Variants in ATOH8 observed in about 807,000 individuals in gnomAD.
The protein encoded by ATOH8 is transcription factor ATOH8.
A neutral mutation model predicts 21.2 loss-of-function variants in ATOH8; 9 were observed. That is an observed-to-expected ratio of 0.42 (90% CI 0.26 to 0.74). The LOEUF is 0.74. Ranked by LOEUF, ATOH8 falls within the 30% of genes least tolerant of loss-of-function variation. The pLI is 0.24. For synonymous variants in ATOH8, 253 were observed against 224.0 expected (o/e 1.13, Z -1.16); for missense variants, 524 against 470.9 (o/e 1.11, Z -1.04).
chr2:85,767,562 T>TTCCCCTCCCCCCCCC (rs1680050712), intron 2 of ATOH8, among the ~76,000 whole-genome samples: 1 of 20,576 alleles, frequency 4.9e-5, no homozygotes, highest in Non-Finnish European at 1.0e-4. Context: ...GTATTCCCTC[T>TTCCCCTCCCCCCCCC]TCCCCTCCCC....
chr2:85,786,329 A>T (rs538453799), intron 2 of ATOH8, among the ~76,000 whole-genome samples: 3 of 152,326 alleles, frequency 2.0e-5, no homozygotes, highest in African/African-American at 7.2e-5. Flanking sequence ...AGGAGCTTTC[A>T]TCGATCTGCT....
At chr2:85,781,003 C>T (rs762072321) in intron 2 of ATOH8, 3 of 987,886 alleles carry the variant, frequency 3.0e-6, no homozygotes, top group African/African-American at 1.7e-5. Flanking sequence ...CCAGGCTTTG[C>T]GCCTGTGCCC....
rs1348833533 is a variant in ATOH8 at position 85,754,064 on chromosome 2, C to A, written c.-126C>A. On this transcript the variant is annotated 5_prime_UTR_variant, in exon 1 of 3. Coordinates refer to ENST00000306279, the MANE Select transcript of ATOH8 (RefSeq NM_032827.7). The stretch of plus-strand genomic sequence containing the variant: ...AAGCCGGCGGCGCAGCTGCCCGGGG[C>A]GAGGGGGAGAAAGGGAGAGAGGGAG... 1.2e-3 allele frequency: 1,355 copies of A among 1,125,798 alleles called. 2 individuals are homozygous for A. Among genetic ancestry groups the A allele is most frequent in the Non-Finnish European group, 1.4e-3 (1,202 of 878,878 alleles). The allele number at this position is 1,125,798 out of a possible 1,614,324, so 69.7% of individuals were successfully genotyped here. A position where few individuals can be genotyped will look rare whatever the true frequency, so the allele number is the denominator to read the frequency against.
chr2:85,761,784 G>A (rs559861618), intron 1 of ATOH8, among the ~76,000 whole-genome samples: 7 of 152,308 alleles, frequency 4.6e-5, no homozygotes, highest in Non-Finnish European at 8.8e-5. Flanking sequence ...CCTGCCCCAG[G>A]ACTACCAGAC....
At chr2:85,777,248 G>T (rs2104527964) in intron 2 of ATOH8, among the ~76,000 whole-genome samples, 1 of 152,296 alleles carries the variant, frequency 6.6e-6, no homozygotes, top group South Asian at 2.1e-4. Flanking sequence ...GGTCTTTGGA[G>T]CCCACTGCAC....
At chr2:85,781,608 G>A (rs1047321188) in intron 2 of ATOH8, among the ~76,000 whole-genome samples, 1 of 150,932 alleles carries the variant, frequency 6.6e-6, no homozygotes, top group African/African-American at 2.4e-5. Flanking sequence ...CAGGATGGTG[G>A]CTCACATCTG....
In ATOH8 at chr2:85,754,855, C is replaced by T; in HGVS notation, c.666C>T (p.Ser222=). The stretch of plus-strand genomic sequence containing the variant: ...CGGGCGAAGCGACTGCCGCCTCCTC[C>T]GAGATCAAAGCCCTGCAGCAGACCC... ...KRPGEATAAS[S]EIKALQQTRR... The change falls in exon 1 of 3, where the codon TCC becomes TCT. Residue 222 remains serine (S), a synonymous_variant. Coordinates refer to ENST00000306279, the MANE Select transcript of ATOH8 (RefSeq NM_032827.7). The T allele has an allele frequency of 6.2e-7, 1 of 1,612,420 alleles. No homozygotes were observed. The highest frequency in any genetic ancestry group is 8.5e-7 in the Non-Finnish European group (1 of 1,179,904).
chr2:85,771,126 T>G (rs1219959927), intron 2 of ATOH8, among the ~76,000 whole-genome samples: 3 of 152,076 alleles, frequency 2.0e-5, no homozygotes. Context: ...CTGTGGTTCT[T>G]TCTGGTGCTC....
intron 1 of ATOH8, among the ~76,000 whole-genome samples, chr2:85,762,659 A>G (rs190364755): frequency 6.6e-6 from 1 of 152,060 alleles, no homozygotes; most frequent in East Asian, 1.9e-4. Context: ...GTGAGGTTTA[A>G]AGTGAGATCA....
At chr2:85,758,690 C>CTCTGG (rs752673245) in intron 1 of ATOH8, among the ~76,000 whole-genome samples, 9 of 152,176 alleles carry the variant, frequency 5.9e-5, no homozygotes, top group East Asian at 3.9e-4. Flanking sequence ...GAGAGAGGCC[C>CTCTGG]TCTGGTCTGG....
Position 85,788,865 on chromosome 2 carries a change from CAG to C in ATOH8, c.*1976_*1977del, listed in dbSNP as rs1035448955. 1.2e-4 allele frequency among the ~76,000 whole-genome samples: 19 copies of C among 152,288 alleles called. No individual in the cohort carries two copies. The highest frequency in any genetic ancestry group is 7.7e-4 in the East Asian group (4 of 5,172). The stretch of plus-strand genomic sequence containing the variant: ...TTGGATCCCTAGGCTGGCACAGAAA[CAG>C]GGGACCCAGGTGGCCCTGAGCACTC... On this transcript the variant is annotated 3_prime_UTR_variant, in exon 3 of 3. Transcript: ENST00000306279.
Position 85,789,946 on chromosome 2 carries a change from C to G in ATOH8, c.*3056C>G, listed in dbSNP as rs761063261. 1.4e-5 allele frequency among the ~76,000 whole-genome samples: 2 copies of G among 146,282 alleles called. No homozygotes were observed. Among genetic ancestry groups the G allele is most frequent in the Admixed American group, 6.7e-5 (1 of 14,922 alleles). On this transcript the variant is annotated 3_prime_UTR_variant, in exon 3 of 3. Transcript: ENST00000306279. The stretch of plus-strand genomic sequence containing the variant: ...GTTCGTATGCACACACATGCATACT[C>G]TCTCTCATGGGCACATGCATACCCA...
chr2:85,769,752 T>A (rs1443121177), intron 2 of ATOH8, among the ~76,000 whole-genome samples: 2 of 152,150 alleles, frequency 1.3e-5, no homozygotes, highest in Non-Finnish European at 2.9e-5. Flanking sequence ...ACAGGATCCC[T>A]GGGTGCCAGC....
intron 2 of ATOH8, among the ~76,000 whole-genome samples, chr2:85,778,723 G>T (rs1334117057): frequency 1.3e-5 from 2 of 152,360 alleles, no homozygotes; most frequent in Non-Finnish European, 2.9e-5. Context: ...GACTGGGGAG[G>T]GGAGGCGCTT....
intron 2 of ATOH8, among the ~76,000 whole-genome samples, chr2:85,783,224 T>A (rs1680542291): frequency 6.6e-6 from 1 of 152,186 alleles, no homozygotes; most frequent in African/African-American, 2.4e-5. Context: ...CTGTGAGGCC[T>A]CCTCATCTAG....
intron 2 of ATOH8, chr2:85,781,185 G>A: frequency 1.8e-6 from 1 of 561,986 alleles, no homozygotes; most frequent in Non-Finnish European, 2.3e-6. Flanking sequence ...GCATATGCAT[G>A]GGAATAGCAT....
chr2:85,782,404 G>A (rs1195178045), intron 2 of ATOH8, among the ~76,000 whole-genome samples: 1 of 152,138 alleles, frequency 6.6e-6, no homozygotes, highest in Non-Finnish European at 1.5e-5. Flanking sequence ...CCCCAAAGTG[G>A]TAAAATTACC....
chr2:85,782,815 C>A (rs1275279139), intron 2 of ATOH8, among the ~76,000 whole-genome samples: 1 of 152,182 alleles, frequency 6.6e-6, no homozygotes, highest in Non-Finnish European at 1.5e-5. Flanking sequence ...CCCACCTCAG[C>A]CTCTCAAGTA....
intron 2 of ATOH8, chr2:85,774,598 C>G: frequency 1.0e-6 from 1 of 985,664 alleles, no homozygotes; most frequent in Non-Finnish European, 1.2e-6. Flanking sequence ...TGGCTGTCAG[C>G]CCCACCAGAG....
Sources: gnomAD v4.1 joint callset for allele counts (sites outside exome capture counted in the v4.1 genomes callset) on GRCh38, gnomAD v4.1.1 for gene constraint, MANE v1.5 for transcripts, NCBI Gene and HGNC (gene_info 2026-07-23, HGNC 2026-07-21) for gene names.